FAM13B: variants seen among roughly 807,000 people sequenced by gnomAD.
FAM13B encodes protein FAM13B.
In FAM13B, 60 loss-of-function variants were observed where a neutral mutation model predicts 117.3. The observed-to-expected ratio is 0.51, with a 90% confidence interval of 0.42 to 0.63. The LOEUF (loss-of-function observed/expected upper bound fraction) is 0.63, where lower values mean the gene tolerates loss of function less well. Ranked by LOEUF, FAM13B falls within the 30% of genes least tolerant of loss-of-function variation. The probability of loss-of-function intolerance (pLI) is 0.00; values close to 1 mark genes in which losing one functional copy is unlikely to be tolerated. For synonymous variants in FAM13B, 332 were observed against 356.1 expected, an observed-to-expected ratio of 0.93 and a Z score of 0.76; for missense variants, 972 against 1,091.9, an observed-to-expected ratio of 0.89 and a Z score of 1.55.
intron 10 of FAM13B, 85 bp downstream of exon 10, chr5:137,985,172 A>T: frequency 7.4e-7 from 1 of 1,358,838 alleles, no homozygotes; most frequent in Non-Finnish European, 1.0e-6. Flanking sequence ...TATCAGCAAA[A>T]TACTGAACTA....
intron 9 of FAM13B, among the ~76,000 whole-genome samples, chr5:137,986,392 G>A (rs190657424): frequency 2.1e-4 from 30 of 144,496 alleles, no homozygotes; most frequent in African/African-American, 7.7e-4. Context: ...ACCTTCCTAT[G>A]AATCTTCTAG....
chr5:137,963,656 C>A (rs745806480), intron 10 of FAM13B, among the ~76,000 whole-genome samples: 1 of 152,160 alleles, frequency 6.6e-6, no homozygotes, highest in Non-Finnish European at 1.5e-5. Flanking sequence ...AACCCCTGGA[C>A]CGGTACCGAT....
At chr5:138,008,466 T>C (rs1783097836) in intron 6 of FAM13B, among the ~76,000 whole-genome samples, 1 of 152,096 alleles carries the variant, frequency 6.6e-6, no homozygotes, top group Non-Finnish European at 1.5e-5. Context: ...TATAATACAG[T>C]AGTTAAAAGC....
In FAM13B at chr5:137,946,007, GA is replaced by G. The variant is rs756714258; in HGVS notation, c.2245-11del. 5.7e-6 allele frequency: 9 copies of G among 1,580,984 alleles called. No individual in the cohort carries two copies. The highest frequency in any genetic ancestry group is 1.8e-5 in the Admixed American group (1 of 56,746). ...TTTCTTCCTTGGTCACCTGAAGCAA[GA>G]AAAAAAAGAAATTGTCTAGTCATCA... On this transcript the variant is annotated splice_polypyrimidine_tract_variant and intron_variant, in intron 19 of 23. Coordinates refer to ENST00000689681, the MANE Select transcript of FAM13B (RefSeq NM_001385994.1).
intron 7 of FAM13B, among the ~76,000 whole-genome samples, chr5:137,999,886 C>A (rs1780781331): frequency 6.6e-6 from 1 of 152,026 alleles, no homozygotes; most frequent in Non-Finnish European, 1.5e-5. Flanking sequence ...AGGACCCCAC[C>A]CCCATGGCCT....
intron 7 of FAM13B, among the ~76,000 whole-genome samples, chr5:137,992,519 G>A (rs185919318): frequency 9.9e-5 from 15 of 152,054 alleles, no homozygotes; most frequent in African/African-American, 2.9e-4. Flanking sequence ...ACTTGAACCC[G>A]GGAGGAAGAG....
intron 7 of FAM13B, among the ~76,000 whole-genome samples, chr5:137,993,930 G>A (rs1027619352): frequency 2.6e-5 from 4 of 152,150 alleles, no homozygotes; most frequent in African/African-American, 9.7e-5. Context: ...CTTATCCATA[G>A]TAGTAAGTTT....
chr5:138,048,272 G>A (rs188201621), intron 1 of FAM13B, among the ~76,000 whole-genome samples: 1 of 152,276 alleles, frequency 6.6e-6, no homozygotes, highest in Admixed American at 6.5e-5. Flanking sequence ...AACGCCAAAT[G>A]GCACTTTGGA....
intron 10 of FAM13B, among the ~76,000 whole-genome samples, chr5:137,964,927 G>A (rs1769233236): frequency 6.6e-6 from 1 of 151,952 alleles, no homozygotes; most frequent in Non-Finnish European, 1.5e-5. Flanking sequence ...AACACTTTGG[G>A]AGGCCAAGGC....
chr5:137,940,777 T>C (rs1022495775), intron 23 of FAM13B, among the ~76,000 whole-genome samples: 1 of 152,222 alleles, frequency 6.6e-6, no homozygotes, highest in Non-Finnish European at 1.5e-5. Flanking sequence ...TCTAACTTTA[T>C]AGTAATGACC....
chr5:138,009,697 C>T (rs935940528), intron 6 of FAM13B, among the ~76,000 whole-genome samples: 2 of 149,628 alleles, frequency 1.3e-5, no homozygotes, highest in Non-Finnish European at 3.0e-5. Flanking sequence ...CCCAGCTACT[C>T]GAGAGGCTGG....
At chr5:137,979,333 C>T (rs192335233) in intron 10 of FAM13B, among the ~76,000 whole-genome samples, 305 of 152,144 alleles carry the variant, frequency 2.0e-3, no homozygotes, top group Middle Eastern at 6.8e-3. Flanking sequence ...TTTAAGTGCT[C>T]GCCAAATACA....
Position 138,048,835 on chromosome 5 carries a change from A to T in FAM13B, c.-203+3043T>A, listed in dbSNP as rs180997147. Reference sequence around the variant, plus strand: ...ATTCAGCAATGTGATGAAATATAGCATCATTGTACCCCATGCAGACCTTTG... The same window carrying T: ...ATTCAGCAATGTGATGAAATATAGCTTCATTGTACCCCATGCAGACCTTTG... On this transcript the variant is annotated intron_variant, in intron 1 of 3. Coordinates refer to the FAM13B transcript ENST00000502471. Among the ~76,000 whole-genome samples, 24 of 152,308 alleles carry T rather than the reference A, an allele frequency of 1.6e-4. 1 individual carries two copies. The highest frequency in any genetic ancestry group is 3.9e-4 in the Admixed American group (6 of 15,290).
intron 5 of FAM13B, 76 bp from the exon 6 acceptor site, chr5:138,011,225 T>C (rs758276584): frequency 2.2e-6 from 3 of 1,381,364 alleles, no homozygotes; most frequent in African/African-American, 1.5e-5. Context: ...ACCAATGAGA[T>C]ACTTTATGAA....
chr5:138,035,463 C>G (rs181264761), upstream of FAM13B, among the ~76,000 whole-genome samples: 3 of 152,184 alleles, frequency 2.0e-5, no homozygotes, highest in East Asian at 5.8e-4. Flanking sequence ...ACAGTATGTT[C>G]AACATAGGGG....
upstream of FAM13B, chr5:138,036,709 C>T: frequency 2.6e-6 from 1 of 382,414 alleles, no homozygotes; most frequent in Non-Finnish European, 5.2e-6. Flanking sequence ...TAGAGGGGGT[C>T]TATCTCAGAA....
chr5:137,954,574 T>C, intron 14 of FAM13B, 198 bp from the exon 15 acceptor site: 1 of 283,690 alleles, frequency 3.5e-6, no homozygotes, highest in African/African-American at 2.2e-5. Flanking sequence ...TAAAGCCTAC[T>C]ATAGTTTAAA....
chr5:137,986,413 A>C (rs1777228639), intron 9 of FAM13B, among the ~76,000 whole-genome samples: 1 of 107,828 alleles, frequency 9.3e-6, no homozygotes, highest in Non-Finnish European at 1.9e-5. Flanking sequence ...ATTTGGGTAC[A>C]TTTTTCTCAT....
At position 138,033,021 on chromosome 5, in the gene FAM13B, GAC is replaced by G. The variant is rs1336266931; in HGVS notation, c.-444_-443del. On this transcript the variant is annotated 5_prime_UTR_variant, in exon 1 of 24. Coordinates refer to ENST00000689681, the MANE Select transcript of FAM13B (RefSeq NM_001385994.1). ...ACGCGGAACAGGGGGAGAGAGTGGC[GAC>G]AGAGGCGGCGGCTGAGGTGCAGAGC... The G allele has an allele frequency of 2.0e-6, 2 of 986,726 alleles. No homozygotes were observed. The highest frequency in any genetic ancestry group is 2.4e-6 in the Non-Finnish European group (2 of 831,104). The allele number at this position is 986,726 out of a possible 1,614,324, so 61.1% of individuals were successfully genotyped here. A position where few individuals can be genotyped will look rare whatever the true frequency, so the allele number is the denominator to read the frequency against.
Sources: gnomAD v4.1 joint callset for allele counts (sites outside exome capture counted in the v4.1 genomes callset) on GRCh38, gnomAD v4.1.1 for gene constraint, MANE v1.5 for transcripts, NCBI Gene and HGNC (gene_info 2026-07-23, HGNC 2026-07-21) for gene names.